CMTM4: variants seen among roughly 807,000 people sequenced by gnomAD.
CMTM4 encodes CKLF like MARVEL transmembrane domain containing 4, also known as CKLF-like MARVEL transmembrane domain-containing protein 4.
A neutral mutation model predicts 19.0 loss-of-function variants in CMTM4; 8 were observed. The observed-to-expected ratio is 0.42, with a 90% CI of 0.25 to 0.76. The LOEUF (loss-of-function observed/expected upper bound fraction) is 0.76, where lower values mean the gene tolerates loss of function less well. Among genes scored for constraint, CMTM4 ranks in the 30% least tolerant of loss-of-function variants. CMTM4 has a pLI of 0.27. For synonymous variants in CMTM4, 106 were observed against 121.1 expected (o/e 0.88, Z 0.82); for missense variants, 228 against 290.2 (o/e 0.79, Z 1.56).
At chr16:66,681,876 GAC>G (rs2016922186) in intron 1 of CMTM4, among the ~76,000 whole-genome samples, 1 of 152,120 alleles carries the variant, frequency 6.6e-6, no homozygotes, top group South Asian at 2.1e-4. Flanking sequence ...TTCTGGGCTG[GAC>G]CCTAGCACCT....
At chr16:66,645,350 C>A (rs1420654942) in intron 1 of CMTM4, among the ~76,000 whole-genome samples, 1 of 148,108 alleles carries the variant, frequency 6.8e-6, no homozygotes, top group African/African-American at 2.5e-5. Flanking sequence ...GAGGCCAAGG[C>A]GGGTGGATCA....
the CMTM4 span, chr16:66,605,658 G>C: frequency 6.5e-6 from 1 of 153,410 alleles, no homozygotes; most frequent in Non-Finnish European, 1.4e-5. This position sits in a 1 kb window ranked among gnomAD's most constrained non-coding sequence, Gnocchi z 4.6. Context: ...GCACGGCGGC[G>C]GCCACTTGTT....
the CMTM4 span, among the ~76,000 whole-genome samples, chr16:66,602,942 T>G: frequency 6.6e-6 from 1 of 152,208 alleles, no homozygotes; most frequent in African/African-American, 2.4e-5. Flanking sequence ...GCAAACCATA[T>G]ATAATAGTAT....
At chr16:66,653,591 GTGTGACACTGTGGCC>G (rs1310620592) in intron 1 of CMTM4, among the ~76,000 whole-genome samples, 4 of 152,194 alleles carry the variant, frequency 2.6e-5, no homozygotes, top group Non-Finnish European at 4.4e-5. Context: ...AACCTAGAAT[GTGTGACACTGTGGCC>G]TTCCTTAAAA....
the CMTM4 span, among the ~76,000 whole-genome samples, chr16:66,606,977 G>C: frequency 6.6e-6 from 1 of 152,230 alleles, no homozygotes; most frequent in African/African-American, 2.4e-5. Flanking sequence ...CTGGGAGACG[G>C]AGCAAGACTC....
At chr16:66,623,365 C>A in intron 3 of CMTM4, 39 bp downstream of exon 3, 1 of 1,507,098 alleles carries the variant, frequency 6.6e-7, no homozygotes, top group South Asian at 1.1e-5. Flanking sequence ...CACAGGAGGT[C>A]CCCAGATCAG....
At chr16:66,647,132 G>A (rs1465498409) in intron 1 of CMTM4, among the ~76,000 whole-genome samples, 4 of 148,038 alleles carry the variant, frequency 2.7e-5, no homozygotes, top group East Asian at 4.1e-4. Flanking sequence ...TGGCTAATAC[G>A]GTGAAACCCC....
chr16:66,686,745 A>AT (rs905454519), intron 1 of CMTM4, among the ~76,000 whole-genome samples: 35 of 149,808 alleles, frequency 2.3e-4, no homozygotes, highest in African/African-American at 6.4e-4. Context: ...CCAAGTCTGT[A>AT]TTTTTTTTTT....
At chr16:66,649,446 C>CTA (rs2016268090) in intron 1 of CMTM4, among the ~76,000 whole-genome samples, 1 of 136,320 alleles carries the variant, frequency 7.3e-6, no homozygotes, top group African/African-American at 2.9e-5. Context: ...TTGATTCCTT[C>CTA]TCTCTATCTA....
At position 66,621,118 on chromosome 16, in the gene CMTM4, A is replaced by C; in HGVS notation, c.*940T>G. On this transcript the variant is annotated 3_prime_UTR_variant, in exon 4 of 4. Transcript: ENST00000394106. ...TAGAACTCTTTGCAGGCATTTAGAA[A>C]ATTAGCACACATCCCTAAAATAGAG... is the stretch of plus-strand genomic sequence containing the variant. 1 of 985,878 alleles carries C rather than the reference A, an allele frequency of 1.0e-6. No individual in the cohort carries two copies. Among genetic ancestry groups the C allele is most frequent in the Non-Finnish European group, 1.2e-6 (1 of 829,948 alleles). The allele number at this position is 985,878 out of a possible 1,614,324, so 61.1% of individuals were successfully genotyped here.
At chr16:66,693,155 C>T (rs928265749) in intron 1 of CMTM4, among the ~76,000 whole-genome samples, 2 of 151,908 alleles carry the variant, frequency 1.3e-5, no homozygotes, top group East Asian at 1.9e-4. Flanking sequence ...ACCCAGGAGG[C>T]GGAGATTGCA....
rs1484388846 is a variant in CMTM4, at chr16:66,627,890, G to C, written c.364-4388C>G. On this transcript the variant is annotated intron_variant, in intron 2 of 3. Coordinates refer to ENST00000394106, the MANE Select transcript of CMTM4 (RefSeq NM_181521.3). ...AGGACCTGCCCCGGCACCGGTCTCT[G>C]AGTTCTCTGTTTTTATTGATTATTA... Among the ~76,000 whole-genome samples, 5 of 152,286 alleles carry C rather than the reference G, an allele frequency of 3.3e-5. No homozygotes were observed. The East Asian group carries it at 7.7e-4, about 24-fold the overall frequency.
chr16:66,609,945 G>A, downstream of CMTM4: 1 of 1,614,120 alleles, frequency 6.2e-7, no homozygotes. The surrounding 1 kb of genome is among the most constrained non-coding windows in gnomAD (Gnocchi z 4.4). Flanking sequence ...TTAACGACGT[G>A]GCCAAATTCC....
At chr16:66,598,909 A>G in the CMTM4 span, among the ~76,000 whole-genome samples, 1 of 151,934 alleles carries the variant, frequency 6.6e-6, no homozygotes, top group Non-Finnish European at 1.5e-5. Context: ...GGGAGGCTGA[A>G]GGATCCTTTA....
At position 66,617,999 on chromosome 16, in the gene CMTM4, G is replaced by A. The variant is rs2015557102; in HGVS notation, c.*4059C>T. The stretch of plus-strand genomic sequence containing the variant: ...GATAGCAGACAGGTGGGGTGTTCCA[G>A]GCCACTGCTTCCTCCCTTATCTCCC... On this transcript the variant is annotated 3_prime_UTR_variant, in exon 4 of 4. Transcript: ENST00000394106. The A allele has an allele frequency of 1.0e-6, 1 of 985,546 alleles. No individual in the cohort carries two copies. The highest frequency in any genetic ancestry group is 1.7e-5 in the African/African-American group (1 of 57,246). 61.1% of individuals were successfully genotyped at this position (985,546 alleles called of 1,614,324 possible).
downstream of CMTM4, among the ~76,000 whole-genome samples, chr16:66,611,786 T>C (rs2015386118): frequency 6.6e-6 from 1 of 152,082 alleles, no homozygotes. Flanking sequence ...GTACACCTCA[T>C]AGGCAGGCCC....
the CMTM4 span, among the ~76,000 whole-genome samples, chr16:66,607,191 G>A: frequency 7.2e-5 from 11 of 152,212 alleles, no homozygotes; most frequent in African/African-American, 2.7e-4. Flanking sequence ...TGGCCAACAG[G>A]TCACCTTGGC....
chr16:66,613,146 A>C (rs1188099820), downstream of CMTM4: 27 of 702,842 alleles, frequency 3.8e-5, no homozygotes, highest in Non-Finnish European at 4.2e-5. Flanking sequence ...TCTTTGGTTC[A>C]AGGAGCACCA....
chr16:66,612,649 G>C, downstream of CMTM4: 1 of 1,613,790 alleles, frequency 6.2e-7, no homozygotes, highest in Non-Finnish European at 8.5e-7. This position sits in a 1 kb window ranked among gnomAD's most constrained non-coding sequence, Gnocchi z 6.0. Flanking sequence ...GGCCTGGCGG[G>C]TGCCTTGGCA....
Sources: allele counts gnomAD v4.1 joint callset (sites outside exome capture counted in the v4.1 genomes callset), GRCh38; gene constraint gnomAD v4.1.1; non-coding constraint Gnocchi (gnomAD v3.1); transcripts MANE v1.5; gene names NCBI Gene and HGNC (gene_info 2026-07-23, HGNC 2026-07-21).